Variants in CERS6 observed in about 807,000 individuals in gnomAD.
CERS6 encodes the protein LAG1 homolog, ceramide synthase 6.
Under a neutral mutation model 56.8 loss-of-function variants are expected in CERS6, and 26 were observed. The ratio of observed to expected loss-of-function variants is 0.46; its 90% CI spans 0.34 to 0.63. The LOEUF is 0.63. Ranked by LOEUF, CERS6 falls within the 30% of genes least tolerant of loss-of-function variation. The probability of loss-of-function intolerance (pLI) is 0.01; values close to 1 mark genes in which losing one functional copy is unlikely to be tolerated. For missense variants in CERS6, 415 were observed against 467.5 expected, an observed-to-expected ratio of 0.89 and a Z score of 1.04; for synonymous variants, 164 against 173.3, an observed-to-expected ratio of 0.95 and a Z score of 0.42.
At chr2:168,684,427 A>G (rs1686294305) in intron 4 of CERS6, among the ~76,000 whole-genome samples, 1 of 152,194 alleles carries the variant, frequency 6.6e-6, no homozygotes, top group African/African-American at 2.4e-5. Context: ...ATTTATTTAT[A>G]TCTTTGTAAA....
At chr2:168,560,458 G>C (rs761225291) in intron 2 of CERS6, among the ~76,000 whole-genome samples, 2 of 152,178 alleles carry the variant, frequency 1.3e-5, no homozygotes. Flanking sequence ...GCTCAGAGAG[G>C]TCAATGGAGT....
chr2:168,579,471 AT>A (rs1160466674), intron 3 of CERS6, among the ~76,000 whole-genome samples: 4 of 152,016 alleles, frequency 2.6e-5, no homozygotes, highest in Non-Finnish European at 5.9e-5. Flanking sequence ...TTCTTTTCCA[AT>A]TCCTTCCTTG....
At chr2:168,628,739 T>G (rs941922765) in intron 3 of CERS6, among the ~76,000 whole-genome samples, 3 of 152,236 alleles carry the variant, frequency 2.0e-5, no homozygotes, top group African/African-American at 7.2e-5. Flanking sequence ...CAGGGTGATA[T>G]GCAGATGAAG....
At chr2:168,522,341 A>G (rs1314783835) in intron 1 of CERS6, among the ~76,000 whole-genome samples, 1 of 152,196 alleles carries the variant, frequency 6.6e-6, no homozygotes, top group African/African-American at 2.4e-5. Context: ...ACTATTGGCT[A>G]TTTTGTAATT....
At chr2:168,664,986 C>T (rs567369426) in intron 4 of CERS6, among the ~76,000 whole-genome samples, 6 of 152,260 alleles carry the variant, frequency 3.9e-5, no homozygotes, top group Non-Finnish European at 5.9e-5. Context: ...TGCCCTGGAT[C>T]ACTGTCTCCA....
chr2:168,550,600 C>A (rs939827980), intron 2 of CERS6, among the ~76,000 whole-genome samples: 65 of 152,178 alleles, frequency 4.3e-4, no homozygotes, highest in African/African-American at 1.5e-3. Flanking sequence ...TGCACATGAC[C>A]CACCAGCTGC....
intron 1 of CERS6, among the ~76,000 whole-genome samples, chr2:168,544,601 G>A (rs549748388): frequency 2.0e-5 from 3 of 152,140 alleles, no homozygotes; most frequent in East Asian, 3.9e-4. Context: ...AAAGGTTTGG[G>A]CCCTTAGAGA....
At chr2:168,480,759 G>C (rs1054732211) in intron 1 of CERS6, among the ~76,000 whole-genome samples, 13 of 152,164 alleles carry the variant, frequency 8.5e-5, no homozygotes, top group African/African-American at 3.1e-4. Flanking sequence ...ATTAGGGTTT[G>C]AGCCACTAAA....
chr2:168,486,174 T>C (rs1694271043), intron 1 of CERS6, among the ~76,000 whole-genome samples: 2 of 152,192 alleles, frequency 1.3e-5, no homozygotes, highest in Non-Finnish European at 2.9e-5. Context: ...TTAGATTTTT[T>C]GCCCATTCTT....
At chr2:168,500,539 A>C (rs978968843) in intron 1 of CERS6, among the ~76,000 whole-genome samples, 10 of 152,230 alleles carry the variant, frequency 6.6e-5, no homozygotes, top group African/African-American at 2.4e-4. Context: ...ACTTTGGGAC[A>C]GTTTAACCAG....
At chr2:168,614,864 A>T (rs1460263848) in intron 3 of CERS6, among the ~76,000 whole-genome samples, 1 of 151,934 alleles carries the variant, frequency 6.6e-6, no homozygotes, top group Non-Finnish European at 1.5e-5. Flanking sequence ...TCCCTATATT[A>T]CCACAGCTGA....
intron 6 of CERS6, among the ~76,000 whole-genome samples, chr2:168,698,880 T>G (rs1206609265): frequency 6.6e-6 from 1 of 152,208 alleles, no homozygotes; most frequent in Non-Finnish European, 1.5e-5. Flanking sequence ...TTTTTGCTAG[T>G]CAATATGAAT....
intron 8 of CERS6, among the ~76,000 whole-genome samples, chr2:168,723,040 T>C (rs995641626): frequency 5.9e-5 from 9 of 152,156 alleles, no homozygotes; most frequent in Non-Finnish European, 1.3e-4. Flanking sequence ...TGACCCTATT[T>C]TGGAGGGGAG....
chr2:168,561,332 T>C lies in CERS6; in HGVS notation c.407+10T>C, dbSNP rs1695785123. 7 of 1,613,610 alleles carry C rather than the reference T, an allele frequency of 4.3e-6. No individual in the cohort carries two copies. The highest frequency in any genetic ancestry group is 5.9e-6 in the Non-Finnish European group (7 of 1,179,538). Reference sequence around the variant, plus strand: ...GGTTCTGTGAGAGCATGTAAGTTGCTGTTTTTCTTTTTGAAAGAAAAGACC... The same window carrying C: ...GGTTCTGTGAGAGCATGTAAGTTGCCGTTTTTCTTTTTGAAAGAAAAGACC... On this transcript the variant is annotated intron_variant, in intron 3 of 9. Transcript: ENST00000305747.
At chr2:168,660,242 A>G (rs1287568000) in intron 4 of CERS6, among the ~76,000 whole-genome samples, 1 of 152,144 alleles carries the variant, frequency 6.6e-6, no homozygotes, top group African/African-American at 2.4e-5. Context: ...TTTCAAATAT[A>G]AGAGAATCTA....
Position 168,769,585 on chromosome 2 carries a change from C to A in CERS6, c.1078C>A (p.His360Asn). The A allele has an allele frequency of 1.9e-6, 3 of 1,612,506 alleles. No individual in the cohort carries two copies. The highest frequency in any genetic ancestry group is 2.5e-6 in the Non-Finnish European group (3 of 1,179,524). The change falls in exon 10 of 10, where the codon CAC (histidine) becomes AAC (asparagine). Residue 360 changes from histidine to asparagine, a missense_variant. Physicochemically the swap from His to Asn is moderately conservative, Grantham distance 68. Coordinates refer to ENST00000305747, the MANE Select transcript of CERS6 (RefSeq NM_203463.3). ...CTCAGAACCTCCGGGAAAGAATCCCCACACTGCGACAACCACCAATGGGAC... is the reference window on the plus strand; with the variant it reads ...CTCAGAACCTCCGGGAAAGAATCCCAACACTGCGACAACCACCAATGGGAC... ...EDSEPPGKNPHTATTTNGTSG... is the reference protein window; with the variant it reads ...EDSEPPGKNPNTATTTNGTSG...
At chr2:168,464,174 T>TTTTGTG (rs766821494) in intron 1 of CERS6, among the ~76,000 whole-genome samples, 13 of 139,696 alleles carry the variant, frequency 9.3e-5, no homozygotes, top group Admixed American at 2.9e-4. Context: ...TTTATACTTT[T>TTTTGTG]TGTGTGTGTG....
At chr2:168,550,118 A>G (rs1695539805) in intron 2 of CERS6, among the ~76,000 whole-genome samples, 1 of 152,166 alleles carries the variant, frequency 6.6e-6, no homozygotes, top group Admixed American at 6.5e-5. Flanking sequence ...GCATACAAAA[A>G]CATAAAGCTT....
chr2:168,773,414 C>T lies in CERS6; in HGVS notation c.*3752C>T, dbSNP rs942920629. 2.6e-5 allele frequency: 4 copies of T among 152,138 alleles called. No homozygotes were observed. The highest frequency in any genetic ancestry group is 5.9e-5 in the Non-Finnish European group (4 of 68,022). 9.4% of individuals were successfully genotyped at this position (152,138 alleles called of 1,614,324 possible). On this transcript the variant is annotated 3_prime_UTR_variant, in exon 10 of 10. Transcript: ENST00000305747. ...TTTCAGGTCTTCAGGTTCTGATTAG[C>T]TTACTTTTTTCCTTTGTCTTTGGCT...
Sources: gnomAD v4.1 joint callset for allele counts (sites outside exome capture counted in the v4.1 genomes callset) on GRCh38, gnomAD v4.1.1 for gene constraint, MANE v1.5 for transcripts, NCBI Gene and HGNC (gene_info 2026-07-23, HGNC 2026-07-21) for gene names.